The following INPP4B variants were observed in gnomAD, a reference collection of about 807,000 sequenced individuals.
The protein encoded by INPP4B is inositol polyphosphate 4-phosphatase type II.
Under a neutral mutation model 122.5 loss-of-function variants are expected in INPP4B, and 55 were observed. The ratio of observed to expected loss-of-function variants is 0.45; its 90% CI spans 0.36 to 0.56. The LOEUF is 0.56. INPP4B is among the 20% of genes least tolerant of loss of function. INPP4B has a pLI of 0.00. For missense variants in INPP4B, 1,000 were observed against 1,097.7 expected (o/e 0.91, Z 1.26); for synonymous variants, 403 against 388.7 (o/e 1.04, Z -0.43).
intron 2 of INPP4B, among the ~76,000 whole-genome samples, chr4:142,520,388 C>A (rs1825932824): frequency 1.3e-5 from 2 of 151,792 alleles, no homozygotes; most frequent in South Asian, 4.2e-4. Flanking sequence ...TCATTTAATA[C>A]CCATATTAAT....
In INPP4B at chr4:142,721,381, G is replaced by A. The variant is rs1764651986; in HGVS notation, c.-191+4458C>T. Among the ~76,000 whole-genome samples, 3 of 152,118 alleles carry A rather than the reference G, an allele frequency of 2.0e-5. No individual in the cohort carries two copies. The South Asian group carries it at 6.2e-4, about 31-fold the overall frequency. The stretch of plus-strand genomic sequence containing the variant: ...CACAAAAATGCTTTTGTTGGGTAGG[G>A]CAGGTTAGATTTTTCTGCAATGATG... On this transcript the variant is annotated intron_variant, in intron 2 of 25. Transcript: ENST00000262992.
At chr4:142,176,001 C>T (rs543236554) in intron 15 of INPP4B, among the ~76,000 whole-genome samples, 1 of 152,034 alleles carries the variant, frequency 6.6e-6, no homozygotes, top group Admixed American at 6.6e-5. Context: ...CATCAGAGAT[C>T]GCTTCCTGTG....
intron 2 of INPP4B, among the ~76,000 whole-genome samples, chr4:142,487,973 C>T (rs1821405567): frequency 6.6e-6 from 1 of 152,042 alleles, no homozygotes; most frequent in Admixed American, 6.6e-5. Flanking sequence ...AAAGCAGACA[C>T]AACCTGTTTC....
At chr4:142,812,996 A>G in intron 1 of INPP4B, among the ~76,000 whole-genome samples, 1 of 152,182 alleles carries the variant, frequency 6.6e-6, no homozygotes, top group East Asian at 1.9e-4. Context: ...CCAGGAATTT[A>G]ATGCCATATC....
intron 2 of INPP4B, among the ~76,000 whole-genome samples, chr4:142,692,129 G>C (rs954112819): frequency 6.6e-6 from 1 of 151,884 alleles, no homozygotes; most frequent in African/African-American, 2.4e-5. Flanking sequence ...GGAGCCAAGG[G>C]GACCCTTCCA....
chr4:142,543,157 A>G (rs1829135688), intron 2 of INPP4B, among the ~76,000 whole-genome samples: 1 of 152,198 alleles, frequency 6.6e-6, no homozygotes, highest in South Asian at 2.1e-4. Context: ...AAAGCACAAT[A>G]TTCTTACATT....
At chr4:142,401,218 C>G (rs1000381678) in intron 7 of INPP4B, among the ~76,000 whole-genome samples, 21 of 152,100 alleles carry the variant, frequency 1.4e-4, no homozygotes, top group Non-Finnish European at 2.5e-4. Context: ...ATGATTCTTT[C>G]ACCTTTTCCT....
chr4:142,531,215 C>T (rs949403527), intron 2 of INPP4B, among the ~76,000 whole-genome samples: 8 of 150,050 alleles, frequency 5.3e-5, no homozygotes, highest in Non-Finnish European at 8.9e-5. Flanking sequence ...AAAGTCATTA[C>T]TAATAGTCAT....
chr4:142,184,288 TA>T (rs1403233683), intron 15 of INPP4B, among the ~76,000 whole-genome samples: 1 of 152,210 alleles, frequency 6.6e-6, no homozygotes, highest in Non-Finnish European at 1.5e-5. Flanking sequence ...GCCATCTTTA[TA>T]TAAATTGTCT....
At chr4:142,286,398 T>C (rs964978934) in intron 9 of INPP4B, among the ~76,000 whole-genome samples, 2 of 152,208 alleles carry the variant, frequency 1.3e-5, no homozygotes, top group Admixed American at 1.3e-4. Flanking sequence ...GAGGTTCTAA[T>C]AGGAAGTAGA....
intron 9 of INPP4B, among the ~76,000 whole-genome samples, chr4:142,298,978 C>T (rs62328260): frequency 1.3e-5 from 2 of 152,034 alleles, no homozygotes; most frequent in African/African-American, 4.8e-5. Context: ...TTATTTACCT[C>T]TCCCTACATG....
intron 1 of INPP4B, among the ~76,000 whole-genome samples, chr4:142,787,430 C>T (rs747862581): frequency 1.3e-5 from 2 of 152,072 alleles, no homozygotes; most frequent in Non-Finnish European, 2.9e-5. Context: ...AGAAAGCCCT[C>T]TCCAGATGCT....
rs565374871 is a variant in INPP4B at position 142,086,018 on chromosome 4, A to G, written c.2487+126T>C. The G allele has an allele frequency of 1.0e-4, 71 of 679,338 alleles. 2 individuals carry two copies. The highest frequency in any genetic ancestry group is 9.5e-4 in the South Asian group (58 of 60,976). 42.1% of individuals were successfully genotyped at this position (679,338 alleles called of 1,614,324 possible). A position where few individuals can be genotyped will look rare whatever the true frequency, so the allele number is the denominator to read the frequency against. ...CAACAAGAGTAAAAATGCCTAATCC[A>G]TGGACTAATAGAAGATGACACCTGG... On this transcript the variant is annotated intron_variant, in intron 24 of 25. Coordinates refer to ENST00000262992, the MANE Select transcript of INPP4B (RefSeq NM_001101669.3).
intron 7 of INPP4B, among the ~76,000 whole-genome samples, chr4:142,356,707 C>T (rs559419008): frequency 6.6e-6 from 1 of 151,784 alleles, no homozygotes; most frequent in East Asian, 2.0e-4. Flanking sequence ...GGCCTCAGTT[C>T]CTGACATAGA....
At chr4:142,565,556 A>C (rs1731449719) in intron 2 of INPP4B, among the ~76,000 whole-genome samples, 1 of 152,166 alleles carries the variant, frequency 6.6e-6, no homozygotes, top group Non-Finnish European at 1.5e-5. Context: ...TAAGTTAAGG[A>C]ATTATTGAAC....
At position 142,026,765 on chromosome 4, in the gene INPP4B, A is replaced by T. The variant is rs900738454; in HGVS notation, c.*2017T>A. 2 of 152,156 alleles carry T rather than the reference A, an allele frequency of 1.3e-5. No homozygotes were observed. Among genetic ancestry groups the T allele is most frequent in the Admixed American group, 1.3e-4 (2 of 15,274 alleles). The allele number at this position is 152,156 out of a possible 1,614,324, so 9.4% of individuals were successfully genotyped here. On this transcript the variant is annotated 3_prime_UTR_variant, in exon 26 of 26. Transcript: ENST00000262992. ...ACAGGAAATCCTTGAAATGTCTTTT[A>T]AAAATAGAAAACCCTACTGCTGGCT...
intron 9 of INPP4B, among the ~76,000 whole-genome samples, chr4:142,275,243 A>AG (rs1450191554): frequency 6.6e-6 from 1 of 151,846 alleles, no homozygotes; most frequent in Non-Finnish European, 1.5e-5. Flanking sequence ...TCATTAATAG[A>AG]GGGAAAAAAA....
chr4:142,026,863 G>A lies in INPP4B; in HGVS notation c.*1919C>T, dbSNP rs923408291. 6.6e-6 allele frequency: 1 copy of A among 152,154 alleles called. No homozygotes were observed. 9.4% of individuals were successfully genotyped at this position (152,154 alleles called of 1,614,324 possible). ...CAAATAAAAATTATTGCTTATAAGA[G>A]TATTTACAGAATGATAAATTACTTA... On this transcript the variant is annotated 3_prime_UTR_variant, in exon 26 of 26. Coordinates refer to ENST00000262992, the MANE Select transcript of INPP4B (RefSeq NM_001101669.3).
chr4:142,533,089 T>C (rs549399680), intron 2 of INPP4B, among the ~76,000 whole-genome samples: 17 of 152,302 alleles, frequency 1.1e-4, no homozygotes, highest in Admixed American at 7.8e-4. Flanking sequence ...TCCAGTACTA[T>C]AGTGCCCAAA....
Sources: allele counts gnomAD v4.1 joint callset (sites outside exome capture counted in the v4.1 genomes callset), GRCh38; gene constraint gnomAD v4.1.1; transcripts MANE v1.5; gene names NCBI Gene and HGNC (gene_info 2026-07-23, HGNC 2026-07-21).